Variants in DHRSX observed in about 807,000 individuals in gnomAD.
DHRSX encodes the protein dehydrogenase/reductase X-linked, also known as polyprenol dehydrogenase.
In DHRSX, 31 loss-of-function variants were observed where a neutral mutation model predicts 34.0. That is an observed-to-expected ratio of 0.91 (90% CI 0.69 to 1.23). The LOEUF is 1.23. DHRSX is among the 50% of genes most tolerant of loss of function. The pLI is 0.00. For synonymous variants in DHRSX, 201 were observed against 183.8 expected (o/e 1.09, Z -0.76); for missense variants, 414 against 428.1 (o/e 0.97, Z 0.29).
intron 3 of DHRSX, among the ~76,000 whole-genome samples, chrX:2,345,839 C>A (rs1207605250): frequency 2.6e-5 from 4 of 152,136 alleles, no homozygotes; most frequent in Non-Finnish European, 5.9e-5. Flanking sequence ...ATCAGCTCCT[C>A]CCTGGGTCTC....
At chrX:2,469,422 C>G (rs930967018) in intron 1 of DHRSX, among the ~76,000 whole-genome samples, 12 of 151,526 alleles carry the variant, frequency 7.9e-5, no homozygotes, top group African/African-American at 2.7e-4. Context: ...AGCCAAGCGA[C>G]GGCACTGAAG....
chrX:2,307,413 C>T (rs138340910), intron 3 of DHRSX, among the ~76,000 whole-genome samples: 2,015 of 151,774 alleles, frequency 0.013, 47 homozygotes, highest in African/African-American at 0.043. Flanking sequence ...CGCAGCACTA[C>T]ACAATGTATC....
At chrX:2,430,729 T>C (rs2178615) in intron 1 of DHRSX, among the ~76,000 whole-genome samples, 121,158 of 152,010 alleles carry the variant, frequency 0.8, 49,369 homozygotes, top group East Asian at 0.99. Context: ...AAGACCCAAA[T>C]GGGTCAGGCG....
At chrX:2,449,896 G>A (rs2044192418) in intron 1 of DHRSX, among the ~76,000 whole-genome samples, 1 of 152,130 alleles carries the variant, frequency 6.6e-6, no homozygotes, top group African/African-American at 2.4e-5. Flanking sequence ...CCGGCCTAAA[G>A]TGCTGGGATT....
At chrX:2,454,705 A>T (rs983313294) in intron 1 of DHRSX, among the ~76,000 whole-genome samples, 2 of 152,168 alleles carry the variant, frequency 1.3e-5, no homozygotes, top group Non-Finnish European at 1.5e-5. Flanking sequence ...TCTAATAGAA[A>T]GCATTCACTG....
intron 1 of DHRSX, among the ~76,000 whole-genome samples, chrX:2,483,206 C>T (rs2044800739): frequency 6.6e-6 from 1 of 152,190 alleles, no homozygotes; most frequent in South Asian, 2.1e-4. Context: ...CCACCTCAGT[C>T]TCCCAAGTAG....
chrX:2,442,604 G>A (rs1208746429), intron 1 of DHRSX, among the ~76,000 whole-genome samples: 3 of 151,892 alleles, frequency 2.0e-5, no homozygotes, highest in African/African-American at 7.3e-5. Context: ...TCCTGTGCCT[G>A]AGATCATACC....
intron 4 of DHRSX, among the ~76,000 whole-genome samples, chrX:2,285,960 G>T (rs1456083227): frequency 6.6e-6 from 1 of 152,104 alleles, no homozygotes; most frequent in Admixed American, 6.5e-5. Context: ...TGCACACAAC[G>T]AAGATGAATT....
chrX:2,301,328 C>T (rs182421692), intron 3 of DHRSX, among the ~76,000 whole-genome samples: 256 of 152,268 alleles, frequency 1.7e-3, no homozygotes, highest in African/African-American at 5.3e-3. Context: ...GCAGGGGAAT[C>T]GCTTGAACCT....
intron 6 of DHRSX, among the ~76,000 whole-genome samples, chrX:2,238,099 A>G (rs1329222851): frequency 2.0e-5 from 3 of 152,116 alleles, no homozygotes; most frequent in Middle Eastern, 3.2e-3. Flanking sequence ...ACAAATCATA[A>G]TCCCAACACT....
At chrX:2,492,617 G>A (rs190475067) in intron 1 of DHRSX, among the ~76,000 whole-genome samples, 1 of 151,918 alleles carries the variant, frequency 6.6e-6, no homozygotes, top group Non-Finnish European at 1.5e-5. Flanking sequence ...AGTGACAGAT[G>A]TCCTTATAAA....
At chrX:2,500,654 G>GCCCCCCCCCC (rs546772121) in intron 1 of DHRSX, 163 bp downstream of exon 1, 2 of 126,742 alleles carry the variant, frequency 1.6e-5, no homozygotes, top group Non-Finnish European at 3.3e-5. Flanking sequence ...CGCGCACGCC[G>GCCCCCCCCCC]CCCCCCCCCC....
intron 3 of DHRSX, among the ~76,000 whole-genome samples, chrX:2,347,332 G>C (rs1322471567): frequency 2.0e-5 from 3 of 152,096 alleles, no homozygotes; most frequent in Non-Finnish European, 4.4e-5. Context: ...AGAACAGCAG[G>C]GCAAAGACCT....
chrX:2,437,235 G>A (rs868180008), intron 1 of DHRSX, among the ~76,000 whole-genome samples: 4 of 152,162 alleles, frequency 2.6e-5, no homozygotes, highest in Admixed American at 1.3e-4. Flanking sequence ...TCCTGACCTC[G>A]TGATCCGCCC....
chrX:2,221,475 A>T (rs2015518215), intron 6 of DHRSX, among the ~76,000 whole-genome samples: 1 of 152,182 alleles, frequency 6.6e-6, no homozygotes, highest in East Asian at 1.9e-4. Flanking sequence ...GGGTTAATCC[A>T]TCTCACTAGG....
At chrX:2,377,726 C>G (rs764688250) in intron 3 of DHRSX, among the ~76,000 whole-genome samples, 1 of 151,618 alleles carries the variant, frequency 6.6e-6, no homozygotes, top group South Asian at 2.1e-4. Flanking sequence ...TTCATAATTG[C>G]AGTGTGCACA....
chrX:2,449,953 A>C (rs935281617), intron 1 of DHRSX, among the ~76,000 whole-genome samples: 1 of 152,086 alleles, frequency 6.6e-6, no homozygotes, highest in Admixed American at 6.6e-5. Context: ...TTTAATAAGC[A>C]ATTCTGAGAA....
intron 3 of DHRSX, among the ~76,000 whole-genome samples, chrX:2,346,923 G>C (rs924498749): frequency 2.6e-5 from 4 of 152,018 alleles, no homozygotes; most frequent in East Asian, 1.9e-4. Context: ...CCTTGTGATA[G>C]TTTGCTGAGA....
chrX:2,346,804 C>T (rs1218402244), intron 3 of DHRSX, among the ~76,000 whole-genome samples: 3 of 151,986 alleles, frequency 2.0e-5, no homozygotes, highest in Admixed American at 1.3e-4. Context: ...CCCCCAGTCC[C>T]CTACTCCCCG....
Sources: allele counts gnomAD v4.1 joint callset (sites outside exome capture counted in the v4.1 genomes callset), GRCh38; gene constraint gnomAD v4.1.1; transcripts MANE v1.5; gene names NCBI Gene and HGNC (gene_info 2026-07-23, HGNC 2026-07-21).